PKD1: variants seen among roughly 807,000 people sequenced by gnomAD.
PKD1 encodes polycystin 1, transient receptor potential channel interacting.
A neutral mutation model predicts 361.7 loss-of-function variants in PKD1; 81 were observed. The observed-to-expected ratio is 0.22, with a 90% CI of 0.19 to 0.27. The LOEUF is 0.27. Ranked by LOEUF, PKD1 falls within the 10% of genes least tolerant of loss-of-function variation. The pLI is 1.00. For missense variants in PKD1, 6,399 were observed against 6,118.3 expected (o/e 1.05, Z -1.53); for synonymous variants, 3,615 against 2,818.3 (o/e 1.28, Z -8.95).
chr16:2,111,338 C>A lies in PKD1; in HGVS notation c.3829G>T (p.Ala1277Ser). The change falls in exon 15 of 46, where the codon GCC becomes TCC. Residue 1277 changes from alanine (A) to serine (S), a missense_variant. Transcript: ENST00000262304. ...AQNCTVTVGA[A>S]SPAGHLARSL... The stretch of plus-strand genomic sequence containing the variant: ...CGGGCCAGGTGGCCGGCGGGGCTGG[C>A]CGCACCCACGGTCACTGTGCAGTTC... 5.6e-6 allele frequency: 9 copies of A among 1,608,860 alleles called. No individual in the cohort carries two copies. The highest frequency in any genetic ancestry group is 7.6e-6 in the Non-Finnish European group (9 of 1,178,996).
intron 1 of PKD1, among the ~76,000 whole-genome samples, chr16:2,125,409 G>A (rs1288020655): frequency 6.6e-6 from 1 of 152,178 alleles, no homozygotes; most frequent in Non-Finnish European, 1.5e-5. Context: ...CGGGGTGTGA[G>A]ACTAGCTGGG....
chr16:2,092,170 G>A lies in PKD1; in HGVS notation c.11288C>T (p.Pro3763Leu), dbSNP rs150884666. 32 of 1,607,404 alleles carry A rather than the reference G, an allele frequency of 2.0e-5. No individual in the cohort carries two copies. In the African/African-American group the frequency reaches 2.1e-4, roughly 11 times the overall value. ...RLQEALYPDPPGPRVHTCSAA... is the reference protein window; with the variant it reads ...RLQEALYPDPLGPRVHTCSAA... The stretch of plus-strand genomic sequence containing the variant: ...CGAGCACGTGTGGACCCTGGGGCCG[G>A]GAGGGTCTGGGTAGAGTGCTGAAAC... The change falls in exon 40 of 46, where the codon CCC becomes CTC. Residue 3763 changes from proline (P) to leucine (L), a missense_variant. Physicochemically the swap from Pro to Leu is moderately conservative, Grantham distance 98. Transcript: ENST00000262304.
chr16:2,091,828 G>T lies in PKD1; in HGVS notation c.11490C>A (p.Ser3830Arg), dbSNP rs776813165. The T allele has an allele frequency of 1.2e-6, 2 of 1,610,078 alleles. No homozygotes were observed. Among genetic ancestry groups the T allele is most frequent in the African/African-American group, 2.7e-5 (2 of 74,986 alleles). The change falls in exon 41 of 46, where the codon AGC becomes AGA. Residue 3830 changes from serine (S) to arginine (R), a missense_variant. Coordinates refer to ENST00000262304, the MANE Select transcript of PKD1 (RefSeq NM_001009944.3). Reference sequence around the variant, plus strand: ...GCTGCAGGAAGCGCAGCCGGTCGCGGCTCTCCTCCAGGCTCAGGCCCAGCT... The same window carrying T: ...GCTGCAGGAAGCGCAGCCGGTCGCGTCTCTCCTCCAGGCTCAGGCCCAGCT... ...VQELGLSLEE[S>R]RDRLRFLQLH...
chr16:2,124,226 C>A (rs1434559988), intron 1 of PKD1, among the ~76,000 whole-genome samples: 1 of 152,236 alleles, frequency 6.6e-6, no homozygotes, highest in African/African-American at 2.4e-5. Flanking sequence ...GGCAGCAGGG[C>A]CAGCCTGCCG....
At position 2,108,950 on chromosome 16, in the gene PKD1, T is replaced by C. The variant is rs1328525615; in HGVS notation, c.6217A>G (p.Thr2073Ala). 4.4e-6 allele frequency: 7 copies of C among 1,607,106 alleles called. No homozygotes were observed. Among genetic ancestry groups the C allele is most frequent in the Non-Finnish European group, 5.9e-6 (7 of 1,178,228 alleles). ...GCCTCAAACTGCGCCGAGCGGTTGGTGAAGCAGGGGCCGCTCTGCAGGGCC... is the reference window on the plus strand; with the variant it reads ...GCCTCAAACTGCGCCGAGCGGTTGGCGAAGCAGGGGCCGCTCTGCAGGGCC... ...YVALQSGPCF[T>A]NRSAQFEAAT... Residue 2073 changes from threonine (T) to alanine (A), a missense_variant, in exon 15 of 46, where the codon ACC (threonine) becomes GCC (alanine). Physicochemically the swap from Thr to Ala is moderately conservative, Grantham distance 58. Coordinates refer to ENST00000262304, the MANE Select transcript of PKD1 (RefSeq NM_001009944.3).
chr16:2,104,760 T>G, intron 21 of PKD1, 118 bp from the exon 22 acceptor site: 1 of 778,026 alleles, frequency 1.3e-6, no homozygotes, highest in Non-Finnish European at 2.1e-6. Flanking sequence ...GAGAGCCCAC[T>G]TGACTGGACC....
chr16:2,102,764 T>G, intron 24 of PKD1, 50 bp downstream of exon 24: 3 of 1,608,434 alleles, frequency 1.9e-6, no homozygotes, highest in Non-Finnish European at 2.5e-6. Flanking sequence ...CAGGCAATGC[T>G]GACCCATGAT....
chr16:2,109,447 A>T lies in PKD1; in HGVS notation c.5720T>A (p.Phe1907Tyr). ...KVVAPGQLVHFQILLAAGSAV... is the reference protein window; with the variant it reads ...KVVAPGQLVHYQILLAAGSAV... Reference sequence around the variant, plus strand: ...TGAGCCGGCAGCCAGCAGGATCTGAAAATGGACCAGCTGCCCGGGCGCCAC... The same window carrying T: ...TGAGCCGGCAGCCAGCAGGATCTGATAATGGACCAGCTGCCCGGGCGCCAC... Residue 1907 changes from phenylalanine (F) to tyrosine (Y), a missense_variant, in exon 15 of 46, where the codon TTT becomes TAT. Transcript: ENST00000262304. 6.2e-7 allele frequency: 1 copy of T among 1,606,842 alleles called. No individual in the cohort carries two copies. The highest frequency in any genetic ancestry group is 8.5e-7 in the Non-Finnish European group (1 of 1,179,554).
intron 37 of PKD1, 122 bp downstream of exon 37, chr16:2,093,422 C>T: frequency 1.1e-6 from 1 of 939,074 alleles, no homozygotes; most frequent in Non-Finnish European, 1.6e-6. Flanking sequence ...GGCTGCAGAG[C>T]ATTGAACCCC....
Position 2,093,973 on chromosome 16 carries a change from C to G in PKD1, c.10659G>C (p.Trp3553Cys), listed in dbSNP as rs780417019. The change falls in exon 36 of 46, where the codon TGG (tryptophan) becomes TGC (cysteine). Residue 3553 changes from tryptophan (W) to cysteine (C), a missense_variant. Physicochemically the swap from Trp to Cys is radical, Grantham distance 215 (BLOSUM62 -2). Transcript: ENST00000262304. Reference sequence around the variant, plus strand: ...TGAGCCCGTGGGCCAGGGAGGCACACCAGGCCGGCAGCAGGCGCTTCCGCA... The same window carrying G: ...TGAGCCCGTGGGCCAGGGAGGCACAGCAGGCCGGCAGCAGGCGCTTCCGCA... ...EGLRKRLLPA[W>C]CASLAHGLSL... 20 of 1,587,614 alleles carry G rather than the reference C, an allele frequency of 1.3e-5. No individual in the cohort carries two copies. The highest frequency in any genetic ancestry group is 1.6e-5 in the Non-Finnish European group (19 of 1,170,152).
chr16:2,119,974 A>T (rs2151827670), intron 1 of PKD1: 1 of 598,896 alleles, frequency 1.7e-6, no homozygotes, highest in African/African-American at 1.9e-5. Flanking sequence ...GCACCGTGGG[A>T]GCTGAGACGG....
Position 2,106,428 on chromosome 16 carries a change from G to A in PKD1, c.7459C>T (p.Leu2487Phe), listed in dbSNP as rs1218768369. 6.9e-6 allele frequency: 11 copies of A among 1,589,222 alleles called. No individual in the cohort carries two copies. Among genetic ancestry groups the A allele is most frequent in the East Asian group, 4.6e-5 (2 of 43,916 alleles). Residue 2487 changes from leucine to phenylalanine, a missense_variant, in exon 18 of 46, where the codon CTC becomes TTC. Physicochemically the swap from Leu to Phe is conservative, Grantham distance 22. Coordinates refer to ENST00000262304, the MANE Select transcript of PKD1 (RefSeq NM_001009944.3). The surrounding 1 kb of genome is among the most constrained non-coding windows in gnomAD (Gnocchi z 6.5). The part of the protein sequence containing the change: ...RLFPLGAVHA[L>F]TTKVHFECTG... ...CATTCGAAGTGCACCTTGGTGGTGA[G>A]GGCGTGCACAGCGCCCAGTGGGAAG...
intron 41 of PKD1, 68 bp from the exon 42 acceptor site, chr16:2,091,665 G>T: frequency 6.4e-7 from 1 of 1,560,214 alleles, no homozygotes. Context: ...GCGCAGTGCA[G>T]GCGTGGCTGA....
At chr16:2,115,002 G>A in intron 10 of PKD1, 77 bp from the exon 11 acceptor site, 1 of 1,515,956 alleles carries the variant, frequency 6.6e-7, no homozygotes, top group Admixed American at 2.0e-5. Flanking sequence ...GATGAGGGTG[G>A]ACACGCAGGG....
At chr16:2,104,696 G>A (rs1261336148) in intron 21 of PKD1, 54 bp from the exon 22 acceptor site, 205 of 1,041,494 alleles carry the variant, frequency 2.0e-4, no homozygotes, top group South Asian at 1.4e-3. Flanking sequence ...CCTTGCACAC[G>A]CCCTCCTCTC....
At position 2,108,317 on chromosome 16, in the gene PKD1, G is replaced by C. The variant is rs923466900; in HGVS notation, c.6850C>G (p.Pro2284Ala). 1.9e-6 allele frequency: 3 copies of C among 1,603,786 alleles called. No individual in the cohort carries two copies. Among genetic ancestry groups the C allele is most frequent in the African/African-American group, 2.7e-5 (2 of 74,764 alleles). Residue 2284 changes from proline (P) to alanine (A), a missense_variant, in exon 15 of 46, where the codon CCC becomes GCC. Pro to Ala is a conservative substitution (Grantham distance 27, BLOSUM62 -1). Coordinates refer to ENST00000262304, the MANE Select transcript of PKD1 (RefSeq NM_001009944.3). ...GTCTGGTCGCCGTCCTCCAGGTTGG[G>C]GTCGTAGGACTCGCTCCCATCCAGC... ...LVLDGSESYD[P>A]NLEDGDQTPL...
rs950293866 is a variant in PKD1, at chr16:2,091,463, C to T, written c.11672G>A (p.Arg3891His). ...AALSVRPFAL[R>H]RLSAGLSLPL... is the part of the protein sequence containing the mutation. ...CAGCGAGAGGCCCGCGCTGAGGCGG[C>T]GCAGCGCAAAGGGGCGGACGCTGAG... Residue 3891 changes from arginine to histidine, a missense_variant, in exon 42 of 46, where the codon CGC (arginine) becomes CAC (histidine). Arg to His is a conservative substitution (Grantham distance 29). Transcript: ENST00000262304. 2.0e-4 allele frequency: 251 copies of T among 1,283,848 alleles called. 1 individual carries two copies. Among genetic ancestry groups the T allele is most frequent in the Admixed American group, 2.7e-4 (6 of 22,572 alleles). 79.5% of individuals were successfully genotyped at this position (1,283,848 alleles called of 1,614,324 possible).
intron 13 of PKD1, 42 bp from the exon 14 acceptor site, chr16:2,112,515 G>A (rs528574195): frequency 3.8e-6 from 6 of 1,566,522 alleles, no homozygotes; most frequent in Admixed American, 1.8e-5. Context: ...CGGGACAGGG[G>A]TGGGCGGTGG....
Position 2,090,736 on chromosome 16 carries a change from G to A in PKD1, c.12076C>T (p.Leu4026Phe). The A allele has an allele frequency of 6.2e-7, 1 of 1,612,650 alleles. No homozygotes were observed. The highest frequency in any genetic ancestry group is 8.5e-7 in the Non-Finnish European group (1 of 1,179,968). Residue 4026 changes from leucine to phenylalanine, a missense_variant, in exon 44 of 46, where the codon CTC (leucine) becomes TTC (phenylalanine). Transcript: ENST00000262304. ...ACCAGGCCCAAGGTGACCCCCAGGAGCTCTGGCAGAGCTCGGCATAATGTC... is the reference window on the plus strand; with the variant it reads ...ACCAGGCCCAAGGTGACCCCCAGGAACTCTGGCAGAGCTCGGCATAATGTC... ...GKTLCRALPE[L>F]LGVTLGLVVL... is the part of the protein sequence containing the mutation.
Sources: allele counts gnomAD v4.1 joint callset (sites outside exome capture counted in the v4.1 genomes callset), GRCh38; gene constraint gnomAD v4.1.1; non-coding constraint Gnocchi (gnomAD v3.1); transcripts MANE v1.5; gene names NCBI Gene and HGNC (gene_info 2026-07-23, HGNC 2026-07-21).